The following TYW1 variants were observed in gnomAD, a reference collection of about 807,000 sequenced individuals.
TYW1 encodes the protein tRNA-yW synthesizing protein 1 homolog.
In TYW1, 46 loss-of-function variants were observed where a neutral mutation model predicts 96.2. The ratio of observed to expected loss-of-function variants is 0.48; its 90% CI spans 0.38 to 0.61. The LOEUF (loss-of-function observed/expected upper bound fraction) is 0.61. Among genes scored for constraint, TYW1 ranks in the 20% least tolerant of loss-of-function variants. The pLI is 0.00. For synonymous variants in TYW1, 274 were observed against 323.0 expected (o/e 0.85, Z 1.63); for missense variants, 684 against 909.6 (o/e 0.75, Z 3.19).
intron 9 of TYW1, among the ~76,000 whole-genome samples, chr7:67,061,143 A>C (rs1004496581): frequency 6.6e-6 from 1 of 152,126 alleles, no homozygotes; most frequent in African/African-American, 2.4e-5. Flanking sequence ...CACGAAAATC[A>C]TTTGAACCCG....
At chr7:67,062,582 G>GA (rs1013933083) in intron 9 of TYW1, among the ~76,000 whole-genome samples, 5 of 92,956 alleles carry the variant, frequency 5.4e-5, no homozygotes, top group African/African-American at 1.8e-4. Flanking sequence ...AAAAAAAAAA[G>GA]AAAAGAAAAC....
At chr7:67,188,013 A>C (rs13227737) in intron 14 of TYW1, among the ~76,000 whole-genome samples, 2 of 152,222 alleles carry the variant, frequency 1.3e-5, no homozygotes, top group Non-Finnish European at 2.9e-5. Context: ...AAAAATTTCT[A>C]AAATAGAGGA....
intron 13 of TYW1, among the ~76,000 whole-genome samples, chr7:67,164,634 T>G (rs746552840): frequency 6.7e-6 from 1 of 149,824 alleles, no homozygotes; most frequent in African/African-American, 2.5e-5. Flanking sequence ...AAGTTACCCC[T>G]TGTCAACAAA....
chr7:67,168,427 G>A (rs545865486), intron 13 of TYW1, among the ~76,000 whole-genome samples: 2 of 152,242 alleles, frequency 1.3e-5, no homozygotes, highest in South Asian at 2.1e-4. Context: ...CTCATAAAAT[G>A]AGTAAGGAGA....
intron 15 of TYW1, among the ~76,000 whole-genome samples, chr7:67,208,175 C>T (rs1375795984): frequency 6.6e-6 from 1 of 151,526 alleles, no homozygotes; most frequent in East Asian, 2.0e-4. Flanking sequence ...AAAAATTAGC[C>T]AGATGTGGTG....
chr7:67,052,212 A>C (rs1795380859), intron 8 of TYW1, among the ~76,000 whole-genome samples: 1 of 151,940 alleles, frequency 6.6e-6, no homozygotes, highest in Non-Finnish European at 1.5e-5. Flanking sequence ...ATTCGGACAA[A>C]TTTTGGCCAT....
intron 11 of TYW1, among the ~76,000 whole-genome samples, chr7:67,091,372 C>T (rs1796715502): frequency 7.5e-6 from 1 of 132,948 alleles, no homozygotes; most frequent in South Asian, 2.3e-4. Flanking sequence ...AATGAGAACA[C>T]TTAGACATAG....
At chr7:67,189,288 G>A (rs1194409099) in intron 14 of TYW1, among the ~76,000 whole-genome samples, 2 of 150,226 alleles carry the variant, frequency 1.3e-5, no homozygotes, top group Non-Finnish European at 3.0e-5. Context: ...TGAGTGTGTG[G>A]TGTGTTTATG....
chr7:67,112,120 A>AAAAAAAAAAAAAAAAAAAAAAAAAAAG (rs1424171580), intron 12 of TYW1, among the ~76,000 whole-genome samples: 3 of 148,692 alleles, frequency 2.0e-5, no homozygotes, highest in Non-Finnish European at 4.5e-5. Context: ...AAAAAAAAAA[A>AAAAAAAAAAAAAAAAAAAAAAAAAAAG]AAAGAAAGTG....
rs575865923 is a variant in TYW1, at chr7:67,046,766, G to A, written c.985-3183G>A. Among the ~76,000 whole-genome samples, 17 of 152,318 alleles carry A rather than the reference G, an allele frequency of 1.1e-4. No individual in the cohort carries two copies. In the South Asian group the frequency reaches 3.5e-3, roughly 32 times the overall value. ...TGGAGGATAGGACTGAGCTGCCTTA[G>A]TGGGAAGGAGTGATGAATTTTGTTT... On this transcript the variant is annotated intron_variant, in intron 7 of 15. Coordinates refer to ENST00000359626, the MANE Select transcript of TYW1 (RefSeq NM_018264.4).
intron 13 of TYW1, among the ~76,000 whole-genome samples, chr7:67,138,350 A>T (rs1341998198): frequency 6.6e-6 from 1 of 152,182 alleles, no homozygotes; most frequent in Non-Finnish European, 1.5e-5. Context: ...TTTTGTGGGT[A>T]CATAGTAGGT....
At chr7:67,237,790 T>C (rs1801940376) in intron 15 of TYW1, among the ~76,000 whole-genome samples, 2 of 152,186 alleles carry the variant, frequency 1.3e-5, no homozygotes, top group Admixed American at 6.5e-5. Flanking sequence ...TTTCCACTAA[T>C]GAGATATTGT....
intron 11 of TYW1, among the ~76,000 whole-genome samples, chr7:67,091,545 C>A (rs1250441657): frequency 2.6e-5 from 4 of 152,052 alleles, no homozygotes; most frequent in Admixed American, 2.6e-4. Flanking sequence ...CACATGTACC[C>A]TAGAACTTAA....
chr7:67,025,398 A>C (rs3864349), intron 7 of TYW1, among the ~76,000 whole-genome samples: 84,780 of 151,462 alleles, frequency 0.56, 23,962 homozygotes, highest in Admixed American at 0.63. Flanking sequence ...AAATCTCATA[A>C]TGTTTTAAGA....
intron 13 of TYW1, 112 bp from the exon 14 acceptor site, chr7:67,183,014 A>G (rs1799886923): frequency 1.3e-6 from 1 of 742,710 alleles, no homozygotes; most frequent in South Asian, 2.6e-5. Flanking sequence ...AAAGTTCATG[A>G]TGAGTTTTGC....
At chr7:67,143,642 G>C (rs563981255) in intron 13 of TYW1, among the ~76,000 whole-genome samples, 3 of 152,150 alleles carry the variant, frequency 2.0e-5, no homozygotes, top group Non-Finnish European at 4.4e-5. Context: ...GGTCAGATGG[G>C]GAGTGGAATG....
intron 15 of TYW1, among the ~76,000 whole-genome samples, chr7:67,223,494 A>G (rs925048869): frequency 6.6e-6 from 1 of 151,848 alleles, no homozygotes; most frequent in Non-Finnish European, 1.5e-5. Context: ...TTATTTTTTA[A>G]TGTCTTAGTC....
At chr7:67,221,399 A>G (rs9690083) in intron 15 of TYW1, among the ~76,000 whole-genome samples, 40,781 of 152,048 alleles carry the variant, frequency 0.27, 5,836 homozygotes, top group African/African-American at 0.36. Context: ...AAGCGAATCT[A>G]TTGTAGATAG....
rs909531311 is a variant in TYW1 at position 67,050,005 on chromosome 7, T to C, written c.1041T>C (p.Asn347=). The change falls in exon 8 of 16, where the codon AAT becomes AAC. Residue 347 remains asparagine, a synonymous_variant. Coordinates refer to ENST00000359626, the MANE Select transcript of TYW1 (RefSeq NM_018264.4). ...GTTTGTTCAGGAACATGGGGAGGAA[T>C]GAAGATGGTGAAAGAAGAGCTATGA... ...KSGLFRNMGR[N]EDGERRAMIT... The C allele has an allele frequency of 1.9e-6, 3 of 1,613,892 alleles. No individual in the cohort carries two copies. The highest frequency in any genetic ancestry group is 1.7e-6 in the Non-Finnish European group (2 of 1,179,990).
Sources: allele counts gnomAD v4.1 joint callset (sites outside exome capture counted in the v4.1 genomes callset), GRCh38; gene constraint gnomAD v4.1.1; transcripts MANE v1.5; gene names NCBI Gene and HGNC (gene_info 2026-07-23, HGNC 2026-07-21).